The following SMCO4 variants were observed in gnomAD, a reference collection of about 807,000 sequenced individuals.
The protein encoded by SMCO4 is single-pass membrane protein with coiled-coil domains 4.
A neutral mutation model predicts 3.6 loss-of-function variants in SMCO4; 4 were observed. The ratio of observed to expected loss-of-function variants is 1.11; its 90% confidence interval spans 0.54 to 2.53. SMCO4 has a LOEUF of 2.53. SMCO4 is among the 30% of genes most tolerant of loss of function. The probability of loss-of-function intolerance (pLI) is 0.02; values close to 1 mark genes in which losing one functional copy is unlikely to be tolerated. For missense variants in SMCO4, 70 were observed against 80.8 expected (o/e 0.87, Z 0.51); for synonymous variants, 36 against 35.3 (o/e 1.02, Z -0.07).
chr11:93,507,163 G>C (rs1023273279), intron 1 of SMCO4, among the ~76,000 whole-genome samples: 1 of 152,178 alleles, frequency 6.6e-6, no homozygotes, highest in Non-Finnish European at 1.5e-5. Flanking sequence ...CCAGCACTTT[G>C]GGAGGCCGAG....
intron 2 of SMCO4, chr11:93,481,622 G>A (rs1948594098): frequency 3.1e-6 from 2 of 655,014 alleles, no homozygotes; most frequent in Non-Finnish European, 1.9e-6. Context: ...GGGGAAAAAT[G>A]TCTTGCCAAC....
rs1017577894 is a variant in SMCO4, at chr11:93,496,852, G to C, written c.-81+2424C>G. Among the ~76,000 whole-genome samples the C allele has an allele frequency of 1.2e-4, 18 of 152,168 alleles. 1 individual carries two copies. Among genetic ancestry groups the C allele is most frequent in the African/African-American group, 4.1e-4 (17 of 41,422 alleles). ...ATCACGATAGGCTTGCAGATTTCTC[G>C]ATACTGATGCTTCAGATTCCCAGTA... On this transcript the variant is annotated intron_variant, in intron 2 of 2. Coordinates refer to ENST00000298966, the MANE Select transcript of SMCO4 (RefSeq NM_020179.3).
At chr11:93,529,118 T>A (rs1949139843) in intron 1 of SMCO4, among the ~76,000 whole-genome samples, 1 of 152,160 alleles carries the variant, frequency 6.6e-6, no homozygotes, top group African/African-American at 2.4e-5. Context: ...GAACACTACC[T>A]GAGTCAAAAC....
chr11:93,483,082 G>A (rs1020682579), intron 2 of SMCO4, among the ~76,000 whole-genome samples: 2 of 152,186 alleles, frequency 1.3e-5, no homozygotes, highest in African/African-American at 4.8e-5. Flanking sequence ...AGAGGAGGTA[G>A]GAAGATGGCA....
At chr11:93,514,606 T>A (rs1011785625) in intron 1 of SMCO4, among the ~76,000 whole-genome samples, 1 of 151,844 alleles carries the variant, frequency 6.6e-6, no homozygotes, top group African/African-American at 2.4e-5. Flanking sequence ...ATTTCCCTAA[T>A]AAACAAACAG....
chr11:93,480,014 G>A (rs970896401), intron 2 of SMCO4, among the ~76,000 whole-genome samples: 3 of 152,198 alleles, frequency 2.0e-5, no homozygotes, highest in East Asian at 1.9e-4. Flanking sequence ...TGTAGCTCAC[G>A]GAGGTGCCTA....
intron 1 of SMCO4, among the ~76,000 whole-genome samples, chr11:93,534,282 A>G (rs918485284): frequency 6.7e-6 from 1 of 148,750 alleles, no homozygotes; most frequent in African/African-American, 2.5e-5. Context: ...ATATATACAT[A>G]TATACACACA....
intron 2 of SMCO4, among the ~76,000 whole-genome samples, chr11:93,498,841 T>TG (rs1278905811): frequency 6.6e-6 from 1 of 152,190 alleles, no homozygotes; most frequent in African/African-American, 2.4e-5. Context: ...GAAACATTTA[T>TG]GGAATACCGA....
Position 93,478,938 on chromosome 11 carries a change from G to A in SMCO4, c.*72C>T. ...AACATGAACATCTCTGAATATGAAA[G>A]CCATTTTTTGTTTGCGTCCCCCTCC... On this transcript the variant is annotated 3_prime_UTR_variant, in exon 3 of 3. Coordinates refer to ENST00000298966, the MANE Select transcript of SMCO4 (RefSeq NM_020179.3). The A allele has an allele frequency of 6.6e-7, 1 of 1,519,254 alleles. No homozygotes were observed. Among genetic ancestry groups the A allele is most frequent in the Non-Finnish European group, 8.8e-7 (1 of 1,134,892 alleles). The allele number at this position is 1,519,254 out of a possible 1,614,324, so 94.1% of individuals were successfully genotyped here.
At chr11:93,519,900 C>T (rs1565384801) in intron 1 of SMCO4, among the ~76,000 whole-genome samples, 2 of 152,182 alleles carry the variant, frequency 1.3e-5, no homozygotes, top group Non-Finnish European at 2.9e-5. Flanking sequence ...CAATGCCAGA[C>T]CTATAGTCTG....
intron 1 of SMCO4, among the ~76,000 whole-genome samples, chr11:93,536,899 C>A (rs1052728713): frequency 6.6e-6 from 1 of 152,228 alleles, no homozygotes; most frequent in East Asian, 1.9e-4. Flanking sequence ...ACTTCCAGGT[C>A]TTCCCAAGAC....
chr11:93,529,030 C>T (rs1949138691), intron 1 of SMCO4, among the ~76,000 whole-genome samples: 1 of 152,212 alleles, frequency 6.6e-6, no homozygotes, highest in Non-Finnish European at 1.5e-5. Context: ...GGAGCCCTGT[C>T]TGGCTCCCAC....
At chr11:93,548,567 G>A in the SMCO4 span, among the ~76,000 whole-genome samples, 1,934 of 152,278 alleles carry the variant, frequency 0.013, 42 homozygotes, top group African/African-American at 0.044. Context: ...TGGGGTTAAG[G>A]GGACTTCACT....
At chr11:93,541,839 G>A (rs1171280219) in intron 1 of SMCO4, among the ~76,000 whole-genome samples, 2 of 152,138 alleles carry the variant, frequency 1.3e-5, no homozygotes, top group African/African-American at 4.8e-5. Flanking sequence ...TTCTGTGGCT[G>A]ATCCAGCCTT....
chr11:93,533,028 G>A (rs1013925416), intron 1 of SMCO4, among the ~76,000 whole-genome samples: 1 of 152,202 alleles, frequency 6.6e-6, no homozygotes, highest in African/African-American at 2.4e-5. Flanking sequence ...AAGGCAGGCA[G>A]GGGTGCTATA....
chr11:93,494,500 A>C (rs1347160498), intron 2 of SMCO4, among the ~76,000 whole-genome samples: 1 of 152,132 alleles, frequency 6.6e-6, no homozygotes, highest in African/African-American at 2.4e-5. Flanking sequence ...GCCATTTCCA[A>C]ACCCGCAGGA....
chr11:93,514,142 C>G (rs1359166193), intron 1 of SMCO4, among the ~76,000 whole-genome samples: 1 of 151,766 alleles, frequency 6.6e-6, no homozygotes, highest in African/African-American at 2.4e-5. Context: ...AAGGCCATTT[C>G]CAGTGCAGAA....
intron 2 of SMCO4, among the ~76,000 whole-genome samples, chr11:93,490,669 G>A (rs533194164): frequency 6.6e-6 from 1 of 152,184 alleles, no homozygotes; most frequent in African/African-American, 2.4e-5. Context: ...AATGGCCCAG[G>A]TGAGGTTGTG....
intron 1 of SMCO4, among the ~76,000 whole-genome samples, chr11:93,540,972 A>G (rs1949266474): frequency 6.6e-6 from 1 of 152,220 alleles, no homozygotes; most frequent in Admixed American, 6.5e-5. Flanking sequence ...AGAACCACTA[A>G]CTGCAGCTTC....
Sources: gnomAD v4.1 joint callset for allele counts (sites outside exome capture counted in the v4.1 genomes callset) on GRCh38, gnomAD v4.1.1 for gene constraint, MANE v1.5 for transcripts, NCBI Gene and HGNC (gene_info 2026-07-23, HGNC 2026-07-21) for gene names.